Variants in RUVBL1 observed in about 807,000 individuals in gnomAD.
RUVBL1 encodes ruvB-like 1.
Under a neutral mutation model 52.4 loss-of-function variants are expected in RUVBL1, and 4 were observed. That is an observed-to-expected ratio of 0.08 (90% CI 0.04 to 0.17). The LOEUF is 0.17. Among genes scored for constraint, RUVBL1 ranks in the 10% least tolerant of loss-of-function variants. The probability of loss-of-function intolerance (pLI) is 1.00; values close to 1 mark genes in which losing one functional copy is unlikely to be tolerated. For synonymous variants in RUVBL1, 217 were observed against 214.4 expected (o/e 1.01, Z -0.10); for missense variants, 298 against 572.8 (o/e 0.52, Z 4.90).
intron 1 of RUVBL1, among the ~76,000 whole-genome samples, chr3:128,135,857 G>T (rs761703097): frequency 1.3e-4 from 20 of 152,134 alleles, no homozygotes; most frequent in Non-Finnish European, 2.2e-4. Flanking sequence ...TAAGAAGAAA[G>T]AATAAAAGAT....
upstream of RUVBL1, among the ~76,000 whole-genome samples, chr3:128,128,768 C>T (rs2107726975): frequency 6.6e-6 from 1 of 152,286 alleles, no homozygotes; most frequent in Non-Finnish European, 1.5e-5. Flanking sequence ...GATTGGGAAA[C>T]AACTCTCAGG....
chr3:128,152,589 C>T (rs912636121), intron 1 of RUVBL1, among the ~76,000 whole-genome samples: 1 of 152,144 alleles, frequency 6.6e-6, no homozygotes, highest in Non-Finnish European at 1.5e-5. Flanking sequence ...TATTAGCGGG[C>T]ACTGTAGCCC....
intron 4 of RUVBL1, among the ~76,000 whole-genome samples, chr3:128,101,958 A>T (rs559065095): frequency 6.6e-6 from 1 of 152,346 alleles, no homozygotes; most frequent in East Asian, 1.9e-4. Context: ...AAGGCTGTAA[A>T]CTGGCAGCAG....
intron 8 of RUVBL1, among the ~76,000 whole-genome samples, chr3:128,095,160 T>C (rs1187373420): frequency 6.6e-6 from 1 of 152,246 alleles, no homozygotes; most frequent in Non-Finnish European, 1.5e-5. Context: ...CTGAGCAGGT[T>C]CTGAGATCAA....
chr3:128,124,727 G>T (rs1404279520), upstream of RUVBL1, among the ~76,000 whole-genome samples: 8 of 152,198 alleles, frequency 5.3e-5, no homozygotes, highest in Non-Finnish European at 8.8e-5. Flanking sequence ...GATGTGCTGA[G>T]ACAGGTACAC....
At chr3:128,073,229 G>A (rs75071692) in intron 9 of RUVBL1, among the ~76,000 whole-genome samples, 2,156 of 152,206 alleles carry the variant, frequency 0.014, 53 homozygotes, top group African/African-American at 0.046. Context: ...CCCCACCCCC[G>A]GAGCTTCCCC....
chr3:128,138,951 G>A (rs1182985315), intron 1 of RUVBL1, among the ~76,000 whole-genome samples: 1 of 152,070 alleles, frequency 6.6e-6, no homozygotes, highest in Non-Finnish European at 1.5e-5. Flanking sequence ...AACATACACT[G>A]GTGAAAGGAT....
chr3:128,097,424 C>A lies in RUVBL1; in HGVS notation c.892G>T (p.Val298Leu). Residue 298 changes from valine to leucine, a missense_variant, in exon 8 of 11, where the codon GTG (valine) becomes TTG (leucine). Val to Leu is a conservative substitution (Grantham distance 32). This residue lies in a region of RUVBL1 where 161 missense variants were observed against 298.3 expected (regional missense o/e 0.54). Coordinates refer to ENST00000322623, the MANE Select transcript of RUVBL1 (RefSeq NM_003707.3). ...DQGIAELVPG[V>L]LFVDEVHMLD... The stretch of plus-strand genomic sequence containing the variant: ...ATGTGGACCTCATCAACAAACAGCA[C>A]ACCCGGGACCAGCTCAGCAATGCCC... The A allele has an allele frequency of 6.2e-7, 1 of 1,614,204 alleles. No individual in the cohort carries two copies. The highest frequency in any genetic ancestry group is 1.1e-5 in the South Asian group (1 of 91,082).
intron 1 of RUVBL1, among the ~76,000 whole-genome samples, chr3:128,130,906 T>A (rs1395488093): frequency 6.6e-6 from 1 of 151,770 alleles, no homozygotes; most frequent in Non-Finnish European, 1.5e-5. Flanking sequence ...CACCTCGGCC[T>A]CCCAAAGTGC....
intron 3 of RUVBL1, among the ~76,000 whole-genome samples, chr3:128,109,809 ATTTTTTTT>A (rs60187195): frequency 7.5e-5 from 6 of 80,488 alleles, no homozygotes; most frequent in Non-Finnish European, 1.3e-4. Context: ...CTCTCTGTAA[ATTTTTTTT>A]TTTTTTTTTT....
chr3:128,101,574 G>A lies in RUVBL1; in HGVS notation c.588C>T (p.Asn196=). 5 of 1,613,890 alleles carry A rather than the reference G, an allele frequency of 3.1e-6. No individual in the cohort carries two copies. Among genetic ancestry groups the A allele is most frequent in the Non-Finnish European group, 3.4e-6 (4 of 1,179,966 alleles). Residue 196 remains asparagine, a synonymous_variant, in exon 5 of 11, where the codon AAC becomes AAT. Transcript: ENST00000322623. ...EAGDVIYIEA[N]SGAVKRQGRC... is the part of the protein sequence containing the mutation. ...AAGGCATTACCTTCACGGCCCCACT[G>A]TTGGCTTCAATGTAAATCACATCTC... is the stretch of plus-strand genomic sequence containing the variant.
chr3:128,080,992 TAG>T lies in RUVBL1; in HGVS notation c.*256_*257del, dbSNP rs10574960. ...CTGAAAAGTTTATTTTTAAAAAACT[TAG>T]AGAGAGAGAGAGAGAGAATCAAAAT... On this transcript the variant is annotated 3_prime_UTR_variant, in exon 11 of 11. Coordinates refer to ENST00000322623, the MANE Select transcript of RUVBL1 (RefSeq NM_003707.3). The T allele has an allele frequency of 5.8e-3, 2,246 of 388,144 alleles. No homozygotes were observed. The highest frequency in any genetic ancestry group is 0.011 in the East Asian group (258 of 24,222). 24.0% of individuals were successfully genotyped at this position (388,144 alleles called of 1,614,324 possible).
chr3:128,087,679 G>C (rs1169214712), intron 9 of RUVBL1, 27 bp downstream of exon 9: 2 of 1,565,750 alleles, frequency 1.3e-6, no homozygotes, highest in East Asian at 2.3e-5. Context: ...TGAGAGAAGA[G>C]AGCAGGAGGG....
intron 4 of RUVBL1, among the ~76,000 whole-genome samples, chr3:128,104,212 G>A (rs1358592448): frequency 6.6e-6 from 1 of 152,160 alleles, no homozygotes; most frequent in African/African-American, 2.4e-5. Context: ...GACTGTCTTT[G>A]AGCGCTATCC....
chr3:128,150,849 T>A (rs1944184198), intron 1 of RUVBL1, among the ~76,000 whole-genome samples: 1 of 85,446 alleles, frequency 1.2e-5, no homozygotes, highest in South Asian at 3.6e-4. Context: ...CTATATATAT[T>A]CTATATATTA....
intron 8 of RUVBL1, among the ~76,000 whole-genome samples, chr3:128,093,675 G>A (rs989009182): frequency 1.3e-4 from 20 of 152,260 alleles, no homozygotes; most frequent in African/African-American, 4.8e-4. Context: ...TTTTCAAGCT[G>A]GGATCAGTGC....
rs141515226 is a variant in RUVBL1, at chr3:128,117,833, G to A, written c.228+1495C>T. Among the ~76,000 whole-genome samples the A allele has an allele frequency of 1.6e-3, 243 of 152,148 alleles. 1 individual carries two copies. Among genetic ancestry groups the A allele is most frequent in the African/African-American group, 5.4e-3 (225 of 41,512 alleles). On this transcript the variant is annotated intron_variant, in intron 2 of 10. Coordinates refer to ENST00000322623, the MANE Select transcript of RUVBL1 (RefSeq NM_003707.3). ...AATTAATCCACTCTGACATATAATA[G>A]TGAAACACCAAACCCAAAAATATCT...
At chr3:128,096,548 C>A (rs115054962) in intron 8 of RUVBL1, among the ~76,000 whole-genome samples, 3 of 152,078 alleles carry the variant, frequency 2.0e-5, no homozygotes, top group African/African-American at 7.2e-5. Context: ...ATGCTGGGGC[C>A]GGGCGTGGTG....
intron 1 of RUVBL1, among the ~76,000 whole-genome samples, chr3:128,151,014 TTA>T (rs1301232967): frequency 1.6e-3 from 155 of 95,324 alleles, no homozygotes; most frequent in East Asian, 3.4e-3. Context: ...ATATTATATA[TTA>T]TATATATAAT....
Sources: gnomAD v4.1 joint callset for allele counts (sites outside exome capture counted in the v4.1 genomes callset) on GRCh38, gnomAD v4.1.1 for gene constraint, gnomAD v4.1.1 regional missense constraint, MANE v1.5 for transcripts, NCBI Gene and HGNC (gene_info 2026-07-23, HGNC 2026-07-21) for gene names.